The following UPF3A variants were observed in gnomAD, a reference collection of about 807,000 sequenced individuals.
UPF3A encodes UPF3A regulator of nonsense mediated mRNA decay.
In UPF3A, 42 loss-of-function variants were observed where a neutral mutation model predicts 53.5. That is an observed-to-expected ratio of 0.78 (90% CI 0.61 to 1.01). UPF3A has a LOEUF of 1.01. Ranked by LOEUF, UPF3A falls within the 50% of genes least tolerant of loss-of-function variation. The pLI, the probability that UPF3A is intolerant of heterozygous loss-of-function variation, is 0.00. For missense variants in UPF3A, 575 were observed against 598.0 expected, an observed-to-expected ratio of 0.96 and a Z score of 0.40; for synonymous variants, 237 against 225.3, an observed-to-expected ratio of 1.05 and a Z score of -0.47.
Position 114,304,782 on chromosome 13 carries a change from C to T in UPF3A, c.1303-7C>T, listed in dbSNP as rs1263625368. 1 of 1,613,262 alleles carries T rather than the reference C, an allele frequency of 6.2e-7. No homozygotes were observed. The highest frequency in any genetic ancestry group is 8.5e-7 in the Non-Finnish European group (1 of 1,179,506). ...TGGAAGAGTAACATGCCCTCTTATC[C>T]TGGCAGGACCGGCCAGCCTTGCAGC... On this transcript the variant is annotated splice_region_variant and splice_polypyrimidine_tract_variant and intron_variant, in intron 9 of 9. Transcript: ENST00000375299.
chr13:114,302,061 C>G, intron 9 of UPF3A, 36 bp downstream of exon 9: 11 of 1,495,478 alleles, frequency 7.4e-6, no homozygotes, highest in South Asian at 7.1e-5. Flanking sequence ...ATGTGTCTGG[C>G]TGTCTTAAGG....
chr13:114,295,366 TCTGGCGTGCTCCCCAGCTCGTCTCCAGC>T (rs2085813435), intron 7 of UPF3A, among the ~76,000 whole-genome samples: 1 of 131,838 alleles, frequency 7.6e-6, no homozygotes, highest in Non-Finnish European at 1.7e-5. Context: ...CTCCAGCGGC[TCTGGCGTGCTCCCCAGCTCGTCTCCAGC>T]GGCTCTGGCG....
intron 7 of UPF3A, among the ~76,000 whole-genome samples, chr13:114,296,734 G>A (rs1594819178): frequency 6.6e-6 from 1 of 152,186 alleles, no homozygotes. Context: ...TGACCCGTGG[G>A]TTCTGGTGCT....
chr13:114,303,239 G>A (rs943973430), intron 9 of UPF3A, among the ~76,000 whole-genome samples: 8 of 152,196 alleles, frequency 5.3e-5, no homozygotes, highest in South Asian at 2.1e-4. Context: ...ACAGCCATGC[G>A]TCTTTTTGAT....
chr13:114,283,755 C>T (rs1021452714), intron 3 of UPF3A: 2 of 985,372 alleles, frequency 2.0e-6, no homozygotes, highest in Admixed American at 1.2e-4. Flanking sequence ...TAGGGTTCTG[C>T]TTTCATCTTT....
At chr13:114,294,341 T>C (rs1594801889) in intron 7 of UPF3A, among the ~76,000 whole-genome samples, 1 of 150,502 alleles carries the variant, frequency 6.6e-6, no homozygotes, top group African/African-American at 2.5e-5. Context: ...CAGTCACAGC[T>C]CACTGCAGCC....
At chr13:114,287,430 A>G (rs1382022552) in intron 5 of UPF3A, 1 of 151,948 alleles carries the variant, frequency 6.6e-6, no homozygotes, top group Non-Finnish European at 1.5e-5. Flanking sequence ...TCTCTACTAA[A>G]GATACAAAAA....
At chr13:114,293,752 A>G (rs1436092788) in intron 7 of UPF3A, among the ~76,000 whole-genome samples, 1 of 152,224 alleles carries the variant, frequency 6.6e-6, no homozygotes, top group African/African-American at 2.4e-5. Context: ...GACTTGGGGA[A>G]AGAAGATAGC....
At chr13:114,283,641 C>A in intron 3 of UPF3A, 1 of 460,186 alleles carries the variant, frequency 2.2e-6, no homozygotes, top group Admixed American at 6.4e-5. Flanking sequence ...CATGACTGTA[C>A]CATTTATGAT....
At chr13:114,289,408 C>T (rs1221679497) in intron 5 of UPF3A, among the ~76,000 whole-genome samples, 1 of 151,714 alleles carries the variant, frequency 6.6e-6, no homozygotes, top group Non-Finnish European at 1.5e-5. Flanking sequence ...CCTGTAGTCC[C>T]AGCTACTTGG....
Position 114,304,824 on chromosome 13 carries a change from T to C in UPF3A, c.1338T>C (p.Ala446=). 6.2e-7 allele frequency: 1 copy of C among 1,613,796 alleles called. No homozygotes were observed. Among genetic ancestry groups the C allele is most frequent in the Non-Finnish European group, 8.5e-7 (1 of 1,179,788 alleles). The change falls in exon 10 of 10, where the codon GCT becomes GCC. Residue 446 remains alanine, a synonymous_variant. Transcript: ENST00000375299. The part of the protein sequence containing the change: ...RPALQLYDPG[A]RFRARECGGN... ...CCTTGCAGCTGTATGATCCAGGAGC[T>C]CGCTTCCGAGCGCGAGAGTGTGGCG...
chr13:114,294,593 A>G (rs2085650628), intron 7 of UPF3A, among the ~76,000 whole-genome samples: 1 of 152,222 alleles, frequency 6.6e-6, no homozygotes, highest in Non-Finnish European at 1.5e-5. Flanking sequence ...TGGGAGGCCG[A>G]GGCGGGCGTA....
intron 7 of UPF3A, among the ~76,000 whole-genome samples, chr13:114,295,646 C>G (rs1311678400): frequency 6.6e-6 from 1 of 152,240 alleles, no homozygotes; most frequent in Admixed American, 6.5e-5. Context: ...GCTTTTGATG[C>G]TACCTGAGGT....
At chr13:114,294,681 T>C (rs1594803563) in intron 7 of UPF3A, among the ~76,000 whole-genome samples, 1 of 151,230 alleles carries the variant, frequency 6.6e-6, no homozygotes, top group Non-Finnish European at 1.5e-5. Context: ...AAAAAATAGC[T>C]GGGCGTGGTG....
In UPF3A at chr13:114,281,807, G is replaced by T; in HGVS notation, c.168G>T (p.Ala56=). The T allele has an allele frequency of 6.4e-7, 1 of 1,553,508 alleles. No homozygotes were observed. Among genetic ancestry groups the T allele is most frequent in the Non-Finnish European group, 8.7e-7 (1 of 1,149,410 alleles). ...CGTCCTCCGGTTGCGGGGGCGGTGCGGGCAAACCTCGCGAGGAGAAGAGGA... is the reference window on the plus strand; with the variant it reads ...CGTCCTCCGGTTGCGGGGGCGGTGCTGGCAAACCTCGCGAGGAGAAGAGGA... The part of the protein sequence containing the change: ...PTSSSGCGGG[A]GKPREEKRTA... Residue 56 remains alanine (A), a synonymous_variant, in exon 1 of 10, where the codon GCG becomes GCT. Transcript: ENST00000375299.
At chr13:114,292,682 G>A (rs2085428730) in intron 7 of UPF3A, among the ~76,000 whole-genome samples, 1 of 152,196 alleles carries the variant, frequency 6.6e-6, no homozygotes, top group Admixed American at 6.5e-5. Flanking sequence ...TGTGTCACAT[G>A]GGTAAATCAA....
chr13:114,286,811 C>T, intron 5 of UPF3A, 182 bp downstream of exon 5: 1 of 605,752 alleles, frequency 1.7e-6, no homozygotes. Context: ...GAAAATATTT[C>T]TGAGCGTTGG....
At chr13:114,294,197 A>C (rs1395643642) in intron 7 of UPF3A, among the ~76,000 whole-genome samples, 2 of 152,104 alleles carry the variant, frequency 1.3e-5, no homozygotes, top group African/African-American at 2.4e-5. Context: ...GGAGAAATGC[A>C]AAAGAAGGTG....
Position 114,301,932 on chromosome 13 carries a change from C to G in UPF3A, c.1209C>G (p.Asp403Glu). 1 of 1,610,754 alleles carries G rather than the reference C, an allele frequency of 6.2e-7. No individual in the cohort carries two copies. Among genetic ancestry groups the G allele is most frequent in the African/African-American group, 1.3e-5 (1 of 74,996 alleles). Reference protein sequence around the residue: ...GQDRGKKGSQDSGAPGEAMER... With the variant: ...GQDRGKKGSQESGAPGEAMER... Reference sequence around the variant, plus strand: ...ACAGAGGGAAGAAGGGGAGCCAGGACAGCGGGGCTCCGGGGGAGGCCATGG... The same window carrying G: ...ACAGAGGGAAGAAGGGGAGCCAGGAGAGCGGGGCTCCGGGGGAGGCCATGG... The change falls in exon 9 of 10, where the codon GAC becomes GAG. Residue 403 changes from aspartate (D) to glutamate (E), a missense_variant. Asp to Glu is a conservative substitution (Grantham distance 45). Transcript: ENST00000375299.
Sources: allele counts gnomAD v4.1 joint callset (sites outside exome capture counted in the v4.1 genomes callset), GRCh38; gene constraint gnomAD v4.1.1; transcripts MANE v1.5; gene names NCBI Gene and HGNC (gene_info 2026-07-23, HGNC 2026-07-21).